COL27A1: variants seen among roughly 807,000 people sequenced by gnomAD.
COL27A1 encodes collagen alpha-1(XXVII) chain.
Under a neutral mutation model 251.3 loss-of-function variants are expected in COL27A1, and 106 were observed. The ratio of observed to expected loss-of-function variants is 0.42; its 90% CI spans 0.36 to 0.50. The LOEUF (loss-of-function observed/expected upper bound fraction) is 0.50, where lower values mean the gene tolerates loss of function less well. Among genes scored for constraint, COL27A1 ranks in the 20% least tolerant of loss-of-function variants. The probability of loss-of-function intolerance (pLI) is 0.00; values close to 1 mark genes in which losing one functional copy is unlikely to be tolerated. For synonymous variants in COL27A1, 1,000 were observed against 986.3 expected, an observed-to-expected ratio of 1.01 and a Z score of -0.26; for missense variants, 2,325 against 2,522.8, an observed-to-expected ratio of 0.92 and a Z score of 1.68.
chr9:114,157,393 T>TGGACCCTTCTGGCC lies in COL27A1; in HGVS notation c.62+1387_62+1400dup, dbSNP rs967581348. On this transcript the variant is annotated intron_variant, in intron 1 of 60. Coordinates refer to ENST00000356083, the MANE Select transcript of COL27A1 (RefSeq NM_032888.4). ...CTGCTCTCCAGCATGCCTCTGCTCC[T>TGGACCCTTCTGGCC]GGACCCTTCTGGCCGGACCAAACTC... Among the ~76,000 whole-genome samples the TGGACCCTTCTGGCC allele has an allele frequency of 2.8e-4, 43 of 152,276 alleles. 1 individual carries two copies. The highest frequency in any genetic ancestry group is 8.9e-4 in the African/African-American group (37 of 41,588).
rs529395775 is a variant in COL27A1 at position 114,300,732 on chromosome 9, C to G, written c.4701+45C>G. On this transcript the variant is annotated intron_variant, in intron 51 of 60. Transcript: ENST00000356083. Reference sequence around the variant, plus strand: ...TCGGAGCAGAGATGATTGTCCTAGGCCCAAGGTTGGCCAGCCATCAGCTGG... The same window carrying G: ...TCGGAGCAGAGATGATTGTCCTAGGGCCAAGGTTGGCCAGCCATCAGCTGG... The G allele has an allele frequency of 3.6e-5, 53 of 1,454,828 alleles. 1 individual carries two copies. In the South Asian group the frequency reaches 7.0e-4, roughly 19 times the overall value. The allele number at this position is 1,454,828 out of a possible 1,614,324, so 90.1% of individuals were successfully genotyped here.
intron 36 of COL27A1, 22 bp from the exon 37 acceptor site, chr9:114,275,639 C>G: frequency 2.0e-6 from 3 of 1,499,222 alleles, no homozygotes; most frequent in Non-Finnish European, 2.7e-6. Flanking sequence ...TCTCTCTCCC[C>G]TCTTCATGCC....
chr9:114,164,883 G>A (rs1296076395), intron 2 of COL27A1, among the ~76,000 whole-genome samples: 1 of 152,206 alleles, frequency 6.6e-6, no homozygotes, highest in Non-Finnish European at 1.5e-5. Context: ...AGCCCCTTGG[G>A]TCCTAAGGAA....
At chr9:114,256,450 G>A (rs543211342) in intron 27 of COL27A1, among the ~76,000 whole-genome samples, 15 of 152,274 alleles carry the variant, frequency 9.9e-5, no homozygotes, top group Non-Finnish European at 2.1e-4. Flanking sequence ...CCAAGATAGC[G>A]CCACTGCACT....
chr9:114,245,154 T>C (rs1169635797), intron 23 of COL27A1, among the ~76,000 whole-genome samples: 5 of 139,644 alleles, frequency 3.6e-5, no homozygotes, highest in African/African-American at 1.3e-4. Context: ...TCTTGTTTTT[T>C]TTTTTTTTTT....
At chr9:114,301,564 C>T (rs1320625570) in intron 54 of COL27A1, 102 bp downstream of exon 54, 25 of 1,535,112 alleles carry the variant, frequency 1.6e-5, no homozygotes, top group South Asian at 6.1e-5. Flanking sequence ...TCCGTCATCC[C>T]GTCTGTGCCA....
chr9:114,175,188 A>T (rs960782629), intron 3 of COL27A1, among the ~76,000 whole-genome samples: 4 of 152,092 alleles, frequency 2.6e-5, no homozygotes, highest in Non-Finnish European at 1.5e-5. Context: ...CTGTTTGCGT[A>T]CGCCTGGAGC....
chr9:114,173,392 C>T (rs1163342022), intron 3 of COL27A1, among the ~76,000 whole-genome samples: 2 of 152,340 alleles, frequency 1.3e-5, no homozygotes, highest in East Asian at 1.9e-4. Flanking sequence ...AAATGCAGGT[C>T]GTCCTGACTC....
chr9:114,266,760 G>A, intron 33 of COL27A1, 142 bp downstream of exon 33: 1 of 714,846 alleles, frequency 1.4e-6, no homozygotes, highest in Admixed American at 2.5e-5. Context: ...GTTCAGAGAA[G>A]GGTGGACGCC....
At chr9:114,266,001 C>A (rs1441542844) in intron 32 of COL27A1, among the ~76,000 whole-genome samples, 2 of 152,138 alleles carry the variant, frequency 1.3e-5, no homozygotes, top group Non-Finnish European at 2.9e-5. Flanking sequence ...CAGAAGATGT[C>A]CCTGGGAGGA....
intron 7 of COL27A1, among the ~76,000 whole-genome samples, chr9:114,200,251 T>A (rs1344313788): frequency 6.6e-6 from 1 of 152,162 alleles, no homozygotes; most frequent in East Asian, 1.9e-4. Flanking sequence ...CCCACTGGCA[T>A]CCCTCCTATC....
At chr9:114,246,249 C>T in intron 24 of COL27A1, 1 of 234,966 alleles carries the variant, frequency 4.3e-6, no homozygotes, top group African/African-American at 2.3e-5. Context: ...CTCGTGTTCC[C>T]ATCAGCTTAT....
chr9:114,306,594 C>T lies in COL27A1; in HGVS notation c.5013C>T (p.Asn1671=). Reference sequence around the variant, plus strand: ...TTAAAACCTTACACTACCTCAGCAACCTCATCCAGAGCATTAAGACGCCCC... The same window carrying T: ...TTAAAACCTTACACTACCTCAGCAATCTCATCCAGAGCATTAAGACGCCCC... ...EIFKTLHYLS[N]LIQSIKTPLG... The change falls in exon 58 of 61, where the codon AAC becomes AAT. Residue 1671 remains asparagine (N), a synonymous_variant. Transcript: ENST00000356083. 6.2e-7 allele frequency: 1 copy of T among 1,614,138 alleles called. No homozygotes were observed. The highest frequency in any genetic ancestry group is 8.5e-7 in the Non-Finnish European group (1 of 1,180,042).
intron 60 of COL27A1, among the ~76,000 whole-genome samples, 169 bp downstream of exon 60, chr9:114,309,647 C>A (rs529261219): frequency 1.3e-5 from 2 of 152,078 alleles, no homozygotes; most frequent in Non-Finnish European, 2.9e-5. Flanking sequence ...TTTCTAAAAT[C>A]GTTTTTACTC....
chr9:114,308,153 G>C (rs1408560199), intron 59 of COL27A1, among the ~76,000 whole-genome samples: 1 of 152,234 alleles, frequency 6.6e-6, no homozygotes, highest in Admixed American at 6.5e-5. Flanking sequence ...AATTATGTAT[G>C]CGAATACTTA....
intron 37 of COL27A1, among the ~76,000 whole-genome samples, chr9:114,277,253 G>A (rs1268595974): frequency 6.6e-6 from 1 of 152,116 alleles, no homozygotes; most frequent in African/African-American, 2.4e-5. Context: ...CTTGGGACCC[G>A]TGGATTAGGT....
chr9:114,251,579 A>G (rs552733348), intron 25 of COL27A1, among the ~76,000 whole-genome samples: 22 of 152,342 alleles, frequency 1.4e-4, no homozygotes, highest in Non-Finnish European at 3.1e-4. Context: ...TGTTTCTTCC[A>G]GTGGTAGCAT....
In COL27A1 at chr9:114,282,237, C is replaced by G. The variant is rs200603948; in HGVS notation, c.3718-40C>G. ...CGGATCCGCCTCAGTTTCCTCTCTT[C>G]TCTCATCTTTCTCTTGCTCTGTCCC... On this transcript the variant is annotated intron_variant, in intron 37 of 60. Coordinates refer to ENST00000356083, the MANE Select transcript of COL27A1 (RefSeq NM_032888.4). 1.0e-5 allele frequency: 16 copies of G among 1,585,362 alleles called. No individual in the cohort carries two copies. In the East Asian group the frequency reaches 3.4e-4, roughly 33 times the overall value.
intron 28 of COL27A1, among the ~76,000 whole-genome samples, chr9:114,263,076 C>T (rs867752098): frequency 4.0e-5 from 6 of 151,600 alleles, no homozygotes; most frequent in Non-Finnish European, 7.4e-5. Flanking sequence ...GTAGCTGGGA[C>T]TACAGGCACA....
Sources: gnomAD v4.1 joint callset for allele counts (sites outside exome capture counted in the v4.1 genomes callset) on GRCh38, gnomAD v4.1.1 for gene constraint, MANE v1.5 for transcripts, NCBI Gene and HGNC (gene_info 2026-07-23, HGNC 2026-07-21) for gene names.